MND1: variants seen among roughly 807,000 people sequenced by gnomAD.
MND1 encodes the protein meiotic nuclear divisions 1.
A neutral mutation model predicts 35.1 loss-of-function variants in MND1; 28 were observed. The ratio of observed to expected loss-of-function variants is 0.80; its 90% CI spans 0.59 to 1.09. The LOEUF (loss-of-function observed/expected upper bound fraction) is 1.09, where lower values mean the gene tolerates loss of function less well. Ranked by LOEUF, MND1 falls within the 50% of genes least tolerant of loss-of-function variation. MND1 has a pLI of 0.00. For missense variants in MND1, 213 were observed against 239.6 expected (o/e 0.89, Z 0.73); for synonymous variants, 69 against 70.5 (o/e 0.98, Z 0.11).
At chr4:153,361,014 T>C (rs1262206392) in intron 4 of MND1, among the ~76,000 whole-genome samples, 1 of 152,112 alleles carries the variant, frequency 6.6e-6, no homozygotes, top group Non-Finnish European at 1.5e-5. Flanking sequence ...ATTTTTGCAC[T>C]TTTTTGTAGA....
chr4:153,360,975 G>A (rs367712533), intron 4 of MND1, among the ~76,000 whole-genome samples: 12 of 152,128 alleles, frequency 7.9e-5, no homozygotes, highest in African/African-American at 2.7e-4. Context: ...GAGTAGCTGG[G>A]ATTATAGGCA....
intron 5 of MND1, among the ~76,000 whole-genome samples, chr4:153,394,848 A>G (rs1426211284): frequency 2.0e-5 from 3 of 152,138 alleles, no homozygotes; most frequent in Admixed American, 6.5e-5. Context: ...TTGACCTACT[A>G]TTTTATTTTT....
rs999242246 is a variant in MND1, at chr4:153,358,682, A to G, written c.276+60A>G. 5 of 1,496,082 alleles carry G rather than the reference A, an allele frequency of 3.3e-6. No homozygotes were observed. In the South Asian group the frequency reaches 5.7e-5, roughly 17 times the overall value. 92.7% of individuals were successfully genotyped at this position (1,496,082 alleles called of 1,614,324 possible). A position where few individuals can be genotyped will look rare whatever the true frequency, so the allele number is the denominator to read the frequency against. On this transcript the variant is annotated intron_variant, in intron 4 of 7. Transcript: ENST00000240488. ...TTATAACGGAGAGTTGTTTTACTTC[A>G]TCCTCTTTTTGTTTAGCAGTTTCTT...
intron 6 of MND1, among the ~76,000 whole-genome samples, chr4:153,398,069 C>T (rs114791400): frequency 0.017 from 2,586 of 152,216 alleles, 52 homozygotes; most frequent in East Asian, 0.076. Context: ...GAAAATCAGT[C>T]TGTACATTGA....
At chr4:153,357,603 A>G (rs1030664100) in intron 3 of MND1, among the ~76,000 whole-genome samples, 1 of 152,224 alleles carries the variant, frequency 6.6e-6, no homozygotes, top group Non-Finnish European at 1.5e-5. Flanking sequence ...CAGAAAATCC[A>G]TGTATATAAC....
intron 4 of MND1, among the ~76,000 whole-genome samples, chr4:153,363,591 A>C (rs1014842355): frequency 6.6e-6 from 1 of 152,196 alleles, no homozygotes; most frequent in Non-Finnish European, 1.5e-5. Flanking sequence ...GGATTTTGGA[A>C]ATACATGCCC....
chr4:153,378,251 T>C (rs1272647525), intron 4 of MND1, among the ~76,000 whole-genome samples: 1 of 152,246 alleles, frequency 6.6e-6, no homozygotes, highest in Non-Finnish European at 1.5e-5. Context: ...TTCCATTAAA[T>C]AGTTATTTTA....
chr4:153,382,412 C>T (rs1027335289), intron 4 of MND1, among the ~76,000 whole-genome samples: 2 of 152,180 alleles, frequency 1.3e-5, no homozygotes, highest in East Asian at 1.9e-4. Flanking sequence ...TTGCTTTCTT[C>T]GCTCTTCTTT....
intron 2 of MND1, among the ~76,000 whole-genome samples, chr4:153,352,497 A>G (rs1773240201): frequency 6.6e-6 from 1 of 152,190 alleles, no homozygotes. Context: ...GAAGATGATA[A>G]TAGTACCCAG....
At chr4:153,362,573 C>T (rs1773523101) in intron 4 of MND1, among the ~76,000 whole-genome samples, 1 of 152,174 alleles carries the variant, frequency 6.6e-6, no homozygotes, top group East Asian at 1.9e-4. Context: ...TTATAAATTA[C>T]CCAGTCTCAG....
At chr4:153,407,290 C>T (rs1043432792) in intron 6 of MND1, among the ~76,000 whole-genome samples, 3 of 152,092 alleles carry the variant, frequency 2.0e-5, no homozygotes, top group African/African-American at 7.2e-5. Flanking sequence ...ATGGTGAAAC[C>T]CTATCTCTAC....
intron 4 of MND1, among the ~76,000 whole-genome samples, chr4:153,380,680 G>A (rs1728652133): frequency 6.6e-6 from 1 of 152,248 alleles, no homozygotes; most frequent in South Asian, 2.1e-4. Flanking sequence ...GCACTTAAAA[G>A]CCACTTTTTC....
Position 153,358,509 on chromosome 4 carries a change from G to A in MND1, c.163G>A (p.Val55Ile). Residue 55 changes from valine to isoleucine, a missense_variant, in exon 4 of 8, where the codon GTT (valine) becomes ATT (isoleucine). Val to Ile is a conservative substitution (Grantham distance 29, BLOSUM62 3). Transcript: ENST00000240488. ...MSVKEVLQSL[V>I]DDGMVDCERI... Reference sequence around the variant, plus strand: ...AGTAAAAGAAGTCCTTCAAAGCTTAGTTGATGATGGTATGGTTGACTGTGA... The same window carrying A: ...AGTAAAAGAAGTCCTTCAAAGCTTAATTGATGATGGTATGGTTGACTGTGA... The A allele has an allele frequency of 2.5e-6, 4 of 1,611,574 alleles. No homozygotes were observed. The highest frequency in any genetic ancestry group is 3.4e-6 in the Non-Finnish European group (4 of 1,178,904).
intron 1 of MND1, among the ~76,000 whole-genome samples, chr4:153,346,442 C>T (rs549181052): frequency 6.6e-6 from 1 of 152,314 alleles, no homozygotes; most frequent in South Asian, 2.1e-4. Flanking sequence ...AATTTGAATG[C>T]ATCTCTAACT....
chr4:153,363,411 C>T (rs777392714), intron 4 of MND1, among the ~76,000 whole-genome samples: 9 of 152,142 alleles, frequency 5.9e-5, no homozygotes, highest in African/African-American at 1.2e-4. Context: ...AGGGTTTTGC[C>T]GCTTTAGCCA....
intron 7 of MND1, among the ~76,000 whole-genome samples, chr4:153,409,327 A>G (rs2149660149): frequency 6.6e-6 from 1 of 151,804 alleles, no homozygotes. Flanking sequence ...TTAATGTAAG[A>G]TACACTTTTA....
chr4:153,347,593 C>A (rs1015871202), intron 1 of MND1, among the ~76,000 whole-genome samples: 1 of 152,110 alleles, frequency 6.6e-6, no homozygotes, highest in Non-Finnish European at 1.5e-5. Context: ...TGTGCTGATA[C>A]GGACAAGTAA....
chr4:153,409,738 T>C (rs2149660334), intron 7 of MND1, among the ~76,000 whole-genome samples: 1 of 152,168 alleles, frequency 6.6e-6, no homozygotes, highest in East Asian at 1.9e-4. Flanking sequence ...AATAGACTGG[T>C]AAAATCAATA....
intron 1 of MND1, among the ~76,000 whole-genome samples, chr4:153,348,090 A>G (rs1475292529): frequency 2.0e-5 from 3 of 152,202 alleles, no homozygotes; most frequent in Non-Finnish European, 2.9e-5. Context: ...CTGGAGGTAT[A>G]TTGCAGGAGA....
Sources: allele counts gnomAD v4.1 joint callset (sites outside exome capture counted in the v4.1 genomes callset), GRCh38; gene constraint gnomAD v4.1.1; transcripts MANE v1.5; gene names NCBI Gene and HGNC (gene_info 2026-07-23, HGNC 2026-07-21).